HUNK: variants seen among roughly 807,000 people sequenced by gnomAD.
The protein encoded by HUNK is hormonally up-regulated Neu-associated kinase.
In HUNK, 21 loss-of-function variants were observed where a neutral mutation model predicts 61.0. That is an observed-to-expected ratio of 0.34 (90% CI 0.24 to 0.50). The LOEUF is 0.50. Ranked by LOEUF, HUNK falls within the 20% of genes least tolerant of loss-of-function variation. The pLI, the probability that HUNK is intolerant of heterozygous loss-of-function variation, is 0.98. For synonymous variants in HUNK, 371 were observed against 386.1 expected, an observed-to-expected ratio of 0.96 and a Z score of 0.46; for missense variants, 772 against 945.7, an observed-to-expected ratio of 0.82 and a Z score of 2.41.
chr21:31,977,067 G>A (rs1227332659), intron 7 of HUNK, among the ~76,000 whole-genome samples: 3 of 152,042 alleles, frequency 2.0e-5, no homozygotes, highest in Non-Finnish European at 4.4e-5. Context: ...CACCATGCCC[G>A]ACCCCATTTC....
chr21:31,890,272 A>G (rs1215636728), intron 1 of HUNK, among the ~76,000 whole-genome samples: 1 of 150,810 alleles, frequency 6.6e-6, no homozygotes, highest in African/African-American at 2.4e-5. Context: ...TCTGTTGCTC[A>G]GGCTGGAGTG....
intron 1 of HUNK, among the ~76,000 whole-genome samples, chr21:31,891,756 G>T (rs1463588929): frequency 6.6e-6 from 1 of 152,176 alleles, no homozygotes; most frequent in Non-Finnish European, 1.5e-5. Context: ...AAGGCACATG[G>T]AAATTTTGTG....
chr21:31,935,348 T>TA (rs2123824588), intron 2 of HUNK, among the ~76,000 whole-genome samples: 1 of 152,336 alleles, frequency 6.6e-6, no homozygotes, highest in Non-Finnish European at 1.5e-5. Context: ...TTTTCCCTGT[T>TA]ACGAATATCT....
In HUNK at chr21:31,873,736, G is replaced by C. The variant is rs1772018536; in HGVS notation, c.62G>C (p.Gly21Ala). 1 of 1,266,280 alleles carries C rather than the reference G, an allele frequency of 7.9e-7. No homozygotes were observed. Among genetic ancestry groups the C allele is most frequent in the African/African-American group, 1.5e-5 (1 of 65,060 alleles). The allele number at this position is 1,266,280 out of a possible 1,614,324, so 78.4% of individuals were successfully genotyped here. The change falls in exon 1 of 11, where the codon GGC (glycine) becomes GCC (alanine). Residue 21 changes from glycine to alanine, a missense_variant. Around this residue, in one of 2 missense-constraint regions of HUNK, gnomAD observed 359 missense variants for 501.3 expected, o/e 0.72. Coordinates refer to ENST00000270112, the MANE Select transcript of HUNK (RefSeq NM_014586.2). This position sits in a 1 kb window ranked among gnomAD's most constrained non-coding sequence, Gnocchi z 6.1. Reference protein sequence around the residue: ...GEPAAPGGGGGAEDAARPAAA... With the variant: ...GEPAAPGGGGAAEDAARPAAA... ...CCGGCGGCGCCTGGGGGCGGCGGCG[G>C]CGCGGAGGACGCGGCCAGGCCCGCG...
chr21:31,891,119 G>A (rs2052384978), intron 1 of HUNK, among the ~76,000 whole-genome samples: 1 of 152,220 alleles, frequency 6.6e-6, no homozygotes, highest in Non-Finnish European at 1.5e-5. Flanking sequence ...GCTCATGCCT[G>A]TAATCCCAGC....
At chr21:31,936,115 G>A (rs1391684609) in intron 2 of HUNK, among the ~76,000 whole-genome samples, 1 of 152,100 alleles carries the variant, frequency 6.6e-6, no homozygotes, top group African/African-American at 2.4e-5. Context: ...TTTTATCACT[G>A]AATATGCCAT....
intron 6 of HUNK, among the ~76,000 whole-genome samples, chr21:31,972,260 T>A (rs1030658834): frequency 1.3e-5 from 2 of 152,064 alleles, no homozygotes; most frequent in Non-Finnish European, 2.9e-5. Flanking sequence ...AGATCCATGG[T>A]ATCAAAATGG....
At chr21:31,933,784 C>CA (rs373565140) in intron 2 of HUNK, among the ~76,000 whole-genome samples, 24,673 of 110,932 alleles carry the variant, frequency 0.22, 2,229 homozygotes, top group Middle Eastern at 0.38. Context: ...GACTCTGTCT[C>CA]AAAAAAAAAA....
At chr21:31,934,606 C>T (rs1348452606) in intron 2 of HUNK, among the ~76,000 whole-genome samples, 3 of 152,114 alleles carry the variant, frequency 2.0e-5, no homozygotes, top group Non-Finnish European at 2.9e-5. Context: ...TTCCATCACC[C>T]AGGTACTGTG....
At chr21:31,996,030 A>C in intron 10 of HUNK, 82 bp downstream of exon 10, 1 of 1,048,066 alleles carries the variant, frequency 9.5e-7, no homozygotes, top group Non-Finnish European at 1.4e-6. Context: ...GGATGGTCGA[A>C]TGGGCCCTAG....
chr21:31,993,317 G>GAC (rs2053183621), intron 9 of HUNK, among the ~76,000 whole-genome samples: 1 of 152,138 alleles, frequency 6.6e-6, no homozygotes, highest in Non-Finnish European at 1.5e-5. Context: ...AAGCTTTTGA[G>GAC]AACCCAAGGA....
At chr21:31,968,717 T>A (rs1244748496) in intron 6 of HUNK, among the ~76,000 whole-genome samples, 6 of 32,500 alleles carry the variant, frequency 1.8e-4, no homozygotes, top group Non-Finnish European at 2.9e-4. Flanking sequence ...GTGGCCCGAG[T>A]GTGTGTGTGT....
At chr21:31,942,310 C>T (rs1745462724) in intron 3 of HUNK, among the ~76,000 whole-genome samples, 1 of 152,206 alleles carries the variant, frequency 6.6e-6, no homozygotes, top group Admixed American at 6.5e-5. Context: ...CCTCTTGCCC[C>T]TCTGTCTCCT....
chr21:31,916,807 G>A (rs891416621), intron 1 of HUNK, among the ~76,000 whole-genome samples: 5 of 152,008 alleles, frequency 3.3e-5, no homozygotes, highest in African/African-American at 1.2e-4. Flanking sequence ...CTCCCAAGTA[G>A]CTGGGACTAC....
chr21:31,982,567 TAGAG>T (rs1196777494), intron 7 of HUNK, among the ~76,000 whole-genome samples: 2 of 152,248 alleles, frequency 1.3e-5, no homozygotes, highest in East Asian at 3.8e-4. Context: ...TATTTTAAGA[TAGAG>T]AGCCTGTAAG....
chr21:31,958,767 G>C, intron 4 of HUNK, 76 bp from the exon 5 acceptor site: 1 of 1,405,308 alleles, frequency 7.1e-7, no homozygotes. Context: ...CCCACGCTTC[G>C]GTGAAGCCCG....
chr21:31,913,556 G>C (rs2052560175), intron 1 of HUNK, among the ~76,000 whole-genome samples: 1 of 151,964 alleles, frequency 6.6e-6, no homozygotes, highest in Non-Finnish European at 1.5e-5. Context: ...AGGCTGAGCT[G>C]GGAGCCCCAG....
chr21:31,884,009 A>G (rs1022078076), intron 1 of HUNK, among the ~76,000 whole-genome samples: 1 of 152,186 alleles, frequency 6.6e-6, no homozygotes, highest in African/African-American at 2.4e-5. Context: ...AGGGAGAGGC[A>G]TGATACTGTG....
chr21:31,987,407 A>C (rs1247009459), intron 8 of HUNK, among the ~76,000 whole-genome samples: 2 of 152,152 alleles, frequency 1.3e-5, no homozygotes, highest in Non-Finnish European at 2.9e-5. Flanking sequence ...TGGAGAGCCC[A>C]ATGTGTGTAC....
Sources: allele counts gnomAD v4.1 joint callset (sites outside exome capture counted in the v4.1 genomes callset), GRCh38; gene constraint gnomAD v4.1.1; regional missense constraint gnomAD v4.1.1; non-coding constraint Gnocchi (gnomAD v3.1); transcripts MANE v1.5; gene names NCBI Gene and HGNC (gene_info 2026-07-23, HGNC 2026-07-21).